Variants in APCDD1 observed in about 807,000 individuals in gnomAD.
APCDD1 encodes protein APCDD1.
A neutral mutation model predicts 38.1 loss-of-function variants in APCDD1; 15 were observed. The observed-to-expected ratio is 0.39, with a 90% CI of 0.26 to 0.61. The LOEUF is 0.61. Ranked by LOEUF, APCDD1 falls within the 20% of genes least tolerant of loss-of-function variation. The pLI, the probability that APCDD1 is intolerant of heterozygous loss-of-function variation, is 0.49. For synonymous variants in APCDD1, 261 were observed against 279.7 expected (o/e 0.93, Z 0.67); for missense variants, 647 against 696.2 (o/e 0.93, Z 0.79).
Position 10,476,780 on chromosome 18 carries a change from A to G in APCDD1, c.774+4719A>G, listed in dbSNP as rs1327274615. On this transcript the variant is annotated intron_variant, in intron 3 of 4. Transcript: ENST00000355285. The surrounding 1 kb of genome is among the most constrained non-coding windows in gnomAD (Gnocchi z 5.8). Reference sequence around the variant, plus strand: ...CACATGTACAGCAGGGGAGCTACACACGGGAGGGAGAAAAGCACCGGGCTT... The same window carrying G: ...CACATGTACAGCAGGGGAGCTACACGCGGGAGGGAGAAAAGCACCGGGCTT... 1 of 152,186 alleles carries G rather than the reference A, an allele frequency of 6.6e-6. No homozygotes were observed. The highest frequency in any genetic ancestry group is 1.9e-4 in the East Asian group (1 of 5,192). 9.4% of individuals were successfully genotyped at this position (152,186 alleles called of 1,614,324 possible).
Position 10,455,131 on chromosome 18 carries a change from C to T in APCDD1, c.58+92C>T, listed in dbSNP as rs1250973883. ...CGGAGGCGTCGGGTCTGGATCGCGG[C>T]ACGGCCTACACTGTCCCCTTGGCGG... On this transcript the variant is annotated intron_variant, in intron 1 of 4. Transcript: ENST00000355285. 6.6e-6 allele frequency: 10 copies of T among 1,520,838 alleles called. No individual in the cohort carries two copies. In the Admixed American group the frequency reaches 1.7e-4, roughly 25 times the overall value. The allele number at this position is 1,520,838 out of a possible 1,614,324, so 94.2% of individuals were successfully genotyped here.
rs150726478 is a variant in APCDD1 at position 10,459,634 on chromosome 18, G to A, written c.58+4595G>A. ...GGTAATAAAAACAAGAACTTGATAA[G>A]CAGAAGTACCACAATGGTGGTAAAA... On this transcript the variant is annotated intron_variant, in intron 1 of 4. Coordinates refer to ENST00000355285, the MANE Select transcript of APCDD1 (RefSeq NM_153000.5). 1.1e-4 allele frequency among the ~76,000 whole-genome samples: 17 copies of A among 152,250 alleles called. No homozygotes were observed. The East Asian group carries it at 3.3e-3, about 29-fold the overall frequency.
chr18:10,483,646 T>C (rs773824768), intron 3 of APCDD1, among the ~76,000 whole-genome samples: 5 of 152,242 alleles, frequency 3.3e-5, no homozygotes, highest in South Asian at 4.1e-4. Context: ...TCTCCAACTT[T>C]AGAGAACTGC....
At chr18:10,466,678 A>T (rs2030724184) in intron 1 of APCDD1, among the ~76,000 whole-genome samples, 1 of 152,200 alleles carries the variant, frequency 6.6e-6, no homozygotes, top group Admixed American at 6.5e-5. Context: ...ACTCTAGTGG[A>T]GATGCCTTGC....
rs541113403 is a variant in APCDD1, at chr18:10,466,818, AC to A, written c.59-1650del. Among the ~76,000 whole-genome samples, 259 of 152,328 alleles carry A rather than the reference AC, an allele frequency of 1.7e-3. 1 individual carries two copies. The highest frequency in any genetic ancestry group is 5.9e-3 in the African/African-American group (247 of 41,574). ...TTCTAGCTCAGGCAAGAATCAGGGG[AC>A]TTGGCTAAACAGGGCTGAGTGAGGT... On this transcript the variant is annotated intron_variant, in intron 1 of 4. Transcript: ENST00000355285.
In APCDD1 at chr18:10,476,074, G is replaced by T. The variant is rs2030993737; in HGVS notation, c.774+4013G>T. The T allele has an allele frequency of 6.6e-6, 1 of 152,272 alleles. No individual in the cohort carries two copies. Among genetic ancestry groups the T allele is most frequent in the African/African-American group, 2.4e-5 (1 of 41,460 alleles). 9.4% of individuals were successfully genotyped at this position (152,272 alleles called of 1,614,324 possible). A position where few individuals can be genotyped will look rare whatever the true frequency, so the allele number is the denominator to read the frequency against. On this transcript the variant is annotated intron_variant, in intron 3 of 4. Coordinates refer to ENST00000355285, the MANE Select transcript of APCDD1 (RefSeq NM_153000.5). The surrounding 1 kb of genome is among the most constrained non-coding windows in gnomAD (Gnocchi z 5.8). Reference sequence around the variant, plus strand: ...CTGTGGCCGCCAGCGGAGACAGGAAGAAAGGCTGGGAGAACGTCTTCAAAG... The same window carrying T: ...CTGTGGCCGCCAGCGGAGACAGGAATAAAGGCTGGGAGAACGTCTTCAAAG...
rs549550679 is a variant in APCDD1 at position 10,476,232 on chromosome 18, GC to G, written c.774+4175del. The G allele has an allele frequency of 1.9e-3, 284 of 152,346 alleles. 1 individual carries two copies. Among genetic ancestry groups the G allele is most frequent in the African/African-American group, 6.3e-3 (262 of 41,572 alleles). The allele number at this position is 152,346 out of a possible 1,614,324, so 9.4% of individuals were successfully genotyped here. On this transcript the variant is annotated intron_variant, in intron 3 of 4. Coordinates refer to ENST00000355285, the MANE Select transcript of APCDD1 (RefSeq NM_153000.5). This position sits in a 1 kb window ranked among gnomAD's most constrained non-coding sequence, Gnocchi z 5.8. ...ATTGAGTTTCAAACCACGAGCCTCA[GC>G]CCCTCTAGAAACAGGACACCGTGTA...
intron 3 of APCDD1, among the ~76,000 whole-genome samples, chr18:10,480,507 G>C (rs965739988): frequency 6.6e-6 from 1 of 152,068 alleles, no homozygotes; most frequent in Non-Finnish European, 1.5e-5. Flanking sequence ...CTTATTCAAC[G>C]GTAGCTAAAA....
At chr18:10,480,201 G>C (rs540581881) in intron 3 of APCDD1, among the ~76,000 whole-genome samples, 3 of 152,200 alleles carry the variant, frequency 2.0e-5, no homozygotes, top group East Asian at 3.9e-4. Flanking sequence ...TTGGAACATG[G>C]ATCCCCAAAA....
chr18:10,457,894 C>G (rs2030422873), intron 1 of APCDD1, among the ~76,000 whole-genome samples: 4 of 152,170 alleles, frequency 2.6e-5, no homozygotes, highest in Admixed American at 6.5e-5. Flanking sequence ...GACCCAAGTT[C>G]AAAATTTGAT....
At chr18:10,483,905 A>G (rs1030868275) in intron 3 of APCDD1, among the ~76,000 whole-genome samples, 2 of 152,216 alleles carry the variant, frequency 1.3e-5, no homozygotes, top group Non-Finnish European at 2.9e-5. Context: ...TAGCGGAGGG[A>G]TGACCCAGGT....
chr18:10,454,716 G>A lies in APCDD1; in HGVS notation c.-266G>A. 2.0e-6 allele frequency: 2 copies of A among 983,172 alleles called. No individual in the cohort carries two copies. The highest frequency in any genetic ancestry group is 2.4e-6 in the Non-Finnish European group (2 of 829,538). The allele number at this position is 983,172 out of a possible 1,614,324, so 60.9% of individuals were successfully genotyped here. ...CGCGGCGGCCGGGGCGGGACGCGGGGCCGGGCGCGGAGAAGTCGGGGCGGG... is the reference window on the plus strand; with the variant it reads ...CGCGGCGGCCGGGGCGGGACGCGGGACCGGGCGCGGAGAAGTCGGGGCGGG... On this transcript the variant is annotated 5_prime_UTR_variant, in exon 1 of 5. Transcript: ENST00000355285.
Position 10,487,635 on chromosome 18 carries a change from T to G in APCDD1, c.1142T>G (p.Leu381Arg), listed in dbSNP as rs2031276319. ...CCCATGGATGCGGCCACAGCCTCAC[T>G]GCTCAACGTCTTCAACGGGAATGAG... is the stretch of plus-strand genomic sequence containing the variant. ...VTPMDAATASLLNVFNGNECG... is the reference protein window; with the variant it reads ...VTPMDAATASRLNVFNGNECG... The change falls in exon 5 of 5, where the codon CTG becomes CGG. Residue 381 changes from leucine (L) to arginine (R), a missense_variant. By Grantham distance (102) the Leu-to-Arg change is moderately radical. Coordinates refer to ENST00000355285, the MANE Select transcript of APCDD1 (RefSeq NM_153000.5). 6.2e-7 allele frequency: 1 copy of G among 1,614,060 alleles called. No individual in the cohort carries two copies. The highest frequency in any genetic ancestry group is 1.3e-5 in the African/African-American group (1 of 74,940).
chr18:10,482,733 C>T (rs1339634977), intron 3 of APCDD1, among the ~76,000 whole-genome samples: 4 of 152,234 alleles, frequency 2.6e-5, no homozygotes, highest in Admixed American at 6.5e-5. Flanking sequence ...TCAATGGTGA[C>T]TGTTCCAGCA....
intron 3 of APCDD1, among the ~76,000 whole-genome samples, chr18:10,480,660 G>A (rs1263737266): frequency 6.6e-6 from 1 of 151,756 alleles, no homozygotes; most frequent in Non-Finnish European, 1.5e-5. Flanking sequence ...TCAGAAGTTT[G>A]AGACCAGCCT....
rs370464025 is a variant in APCDD1 at position 10,471,679 on chromosome 18, G to T, written c.392G>T (p.Arg131Leu). ...TLIIRGKIRL[R>L]QASWIIRGGT... ...ATCATCCGGGGCAAGATCCGCCTCC[G>T]CCAGGCCTCCTGGATCATCCGAGGG... Residue 131 changes from arginine to leucine, a missense_variant, in exon 3 of 5, where the codon CGC becomes CTC. Arg to Leu is a moderately radical substitution (Grantham distance 102). Coordinates refer to ENST00000355285, the MANE Select transcript of APCDD1 (RefSeq NM_153000.5). The surrounding 1 kb of genome is among the most constrained non-coding windows in gnomAD (Gnocchi z 5.5). The T allele has an allele frequency of 1.2e-6, 2 of 1,614,014 alleles. No homozygotes were observed. Among genetic ancestry groups the T allele is most frequent in the Non-Finnish European group, 1.7e-6 (2 of 1,180,030 alleles).
At chr18:10,468,925 G>A (rs905373139) in intron 2 of APCDD1, among the ~76,000 whole-genome samples, 2 of 152,192 alleles carry the variant, frequency 1.3e-5, no homozygotes, top group Non-Finnish European at 2.9e-5. Context: ...TGAACTCTAT[G>A]GGACCACTTG....
rs1219720104 is a variant in APCDD1 at position 10,470,741 on chromosome 18, T to C, written c.243-789T>C. 6.6e-6 allele frequency among the ~76,000 whole-genome samples: 1 copy of C among 152,240 alleles called. No individual in the cohort carries two copies. The highest frequency in any genetic ancestry group is 1.5e-5 in the Non-Finnish European group (1 of 68,048). On this transcript the variant is annotated intron_variant, in intron 2 of 4. Coordinates refer to ENST00000355285, the MANE Select transcript of APCDD1 (RefSeq NM_153000.5). This position sits in a 1 kb window ranked among gnomAD's most constrained non-coding sequence, Gnocchi z 4.1. ...CCCCATTGCAGCCTCAGCTAGTATA[T>C]GTGAATGGCTGACAGAGCCGTTTGT...
intron 3 of APCDD1, among the ~76,000 whole-genome samples, chr18:10,482,575 C>CG (rs1218382302): frequency 6.6e-6 from 1 of 152,186 alleles, no homozygotes; most frequent in Non-Finnish European, 1.5e-5. Context: ...AGCCAGGGGC[C>CG]GGCTCCTGCA....
Sources: gnomAD v4.1 joint callset for allele counts (sites outside exome capture counted in the v4.1 genomes callset) on GRCh38, gnomAD v4.1.1 for gene constraint, Gnocchi (gnomAD v3.1) non-coding constraint, MANE v1.5 for transcripts, NCBI Gene and HGNC (gene_info 2026-07-23, HGNC 2026-07-21) for gene names.